The following CHODL variants were observed in gnomAD, a reference collection of about 807,000 sequenced individuals.
The protein encoded by CHODL is chondrolectin.
In CHODL, 29 loss-of-function variants were observed where a neutral mutation model predicts 34.5. The observed-to-expected ratio is 0.84, with a 90% confidence interval of 0.63 to 1.15. CHODL has a LOEUF of 1.15. Ranked by LOEUF, CHODL falls within the 50% of genes most tolerant of loss-of-function variation. The probability of loss-of-function intolerance (pLI) is 0.00; values close to 1 mark genes in which losing one functional copy is unlikely to be tolerated. For synonymous variants in CHODL, 125 were observed against 116.1 expected (o/e 1.08, Z -0.49); for missense variants, 332 against 332.5 (o/e 1.00, Z 0.01).
intron 2 of CHODL, among the ~76,000 whole-genome samples, chr21:18,149,722 A>G (rs1243707307): frequency 6.6e-6 from 1 of 152,268 alleles, no homozygotes; most frequent in African/African-American, 2.4e-5. Context: ...TAAGTGGCCT[A>G]TGTGGCTGTC....
At chr21:17,996,377 C>T (rs955695309) in intron 1 of CHODL, among the ~76,000 whole-genome samples, 3 of 152,206 alleles carry the variant, frequency 2.0e-5, no homozygotes, top group African/African-American at 7.2e-5. Context: ...TGTGAACATG[C>T]TGTATCCTTG....
In CHODL at chr21:18,026,789, T is replaced by C. The variant is rs570007263; in HGVS notation, c.-144-1083T>C. Reference sequence around the variant, plus strand: ...CGTTTCTGGAATGCTATGTGCACTGTAATGTGGAGGGCGCACATTCTTAAC... The same window carrying C: ...CGTTTCTGGAATGCTATGTGCACTGCAATGTGGAGGGCGCACATTCTTAAC... On this transcript the variant is annotated intron_variant, in intron 1 of 6. Coordinates refer to the CHODL transcript ENST00000400127. Among the ~76,000 whole-genome samples the C allele has an allele frequency of 5.9e-5, 9 of 152,328 alleles. No individual in the cohort carries two copies. In the South Asian group the frequency reaches 1.9e-3, roughly 32 times the overall value.
intron 2 of CHODL, among the ~76,000 whole-genome samples, chr21:18,190,369 C>T (rs2073496736): frequency 6.6e-6 from 1 of 152,124 alleles, no homozygotes; most frequent in Non-Finnish European, 1.5e-5. Context: ...AATTCCATTC[C>T]TATTCCATCA....
At chr21:18,194,420 C>T (rs528506184) in intron 2 of CHODL, among the ~76,000 whole-genome samples, 1 of 152,174 alleles carries the variant, frequency 6.6e-6, no homozygotes, top group Non-Finnish European at 1.5e-5. Flanking sequence ...CCAAGCTCAT[C>T]CCCAGCTTTC....
At chr21:17,948,455 TAAATG>T (rs1371797178) in intron 1 of CHODL, among the ~76,000 whole-genome samples, 1 of 151,490 alleles carries the variant, frequency 6.6e-6, no homozygotes, top group Non-Finnish European at 1.5e-5. Context: ...AGAGCAGAAA[TAAATG>T]AAATAGACAC....
chr21:18,092,901 G>A (rs1368324222), intron 2 of CHODL, among the ~76,000 whole-genome samples: 2 of 152,154 alleles, frequency 1.3e-5, no homozygotes, highest in Non-Finnish European at 2.9e-5. Context: ...GGTAAAGAAA[G>A]AGATGGGGTG....
At chr21:18,125,222 A>G (rs2065527472) in intron 2 of CHODL, among the ~76,000 whole-genome samples, 1 of 152,216 alleles carries the variant, frequency 6.6e-6, no homozygotes, top group African/African-American at 2.4e-5. Context: ...AAATAATGTA[A>G]CTTAAAACAC....
intron 2 of CHODL, among the ~76,000 whole-genome samples, chr21:18,190,444 C>G (rs1025771232): frequency 6.6e-6 from 1 of 152,178 alleles, no homozygotes; most frequent in African/African-American, 2.4e-5. Context: ...AAAAAAGACA[C>G]TTCACGGCAA....
intron 2 of CHODL, among the ~76,000 whole-genome samples, chr21:18,151,097 A>AAAAAG (rs2072961556): frequency 6.7e-6 from 1 of 149,842 alleles, no homozygotes; most frequent in African/African-American, 2.5e-5. Flanking sequence ...AAAAAAAAAA[A>AAAAAG]AAAAAAAAGA....
At chr21:17,990,299 A>AC (rs2063786800) in intron 1 of CHODL, among the ~76,000 whole-genome samples, 1 of 152,050 alleles carries the variant, frequency 6.6e-6, no homozygotes, top group African/African-American at 2.4e-5. Context: ...CTGTCTTCAC[A>AC]CTGTACACAC....
chr21:18,159,993 G>A (rs2073077276), intron 2 of CHODL, among the ~76,000 whole-genome samples: 1 of 152,184 alleles, frequency 6.6e-6, no homozygotes, highest in Admixed American at 6.5e-5. Context: ...TCATCAGAAT[G>A]TAGATCTAGA....
chr21:18,105,315 C>G (rs146245699), intron 2 of CHODL, among the ~76,000 whole-genome samples: 1 of 152,182 alleles, frequency 6.6e-6, no homozygotes, highest in South Asian at 2.1e-4. Context: ...GCAGAGCAAG[C>G]TGTGGTATTC....
At chr21:18,045,392 C>T (rs1192707064) in intron 2 of CHODL, among the ~76,000 whole-genome samples, 2 of 151,874 alleles carry the variant, frequency 1.3e-5, no homozygotes, top group African/African-American at 4.8e-5. Flanking sequence ...CCGGTGAAAA[C>T]TGTCTTTACA....
intron 2 of CHODL, among the ~76,000 whole-genome samples, chr21:18,228,202 AT>A (rs1169015041): frequency 1.3e-5 from 2 of 152,246 alleles, no homozygotes; most frequent in East Asian, 3.9e-4. Context: ...CAATGGTTTA[AT>A]TTTTTAAGCT....
At chr21:18,183,551 T>TC (rs1193819397) in intron 2 of CHODL, among the ~76,000 whole-genome samples, 3 of 152,198 alleles carry the variant, frequency 2.0e-5, no homozygotes, top group African/African-American at 7.2e-5. Context: ...TCTCTTTTTT[T>TC]CCCTGGGATA....
At chr21:18,036,886 G>A (rs1600923010) in intron 2 of CHODL, among the ~76,000 whole-genome samples, 1 of 151,858 alleles carries the variant, frequency 6.6e-6, no homozygotes. Flanking sequence ...ATGGCAGCTT[G>A]AATAGCATTG....
intron 2 of CHODL, among the ~76,000 whole-genome samples, chr21:18,119,005 T>C (rs1341809366): frequency 6.6e-6 from 1 of 152,136 alleles, no homozygotes; most frequent in Non-Finnish European, 1.5e-5. Flanking sequence ...TAAATCTCTT[T>C]CCCCTCTTTC....
At chr21:18,094,143 T>C (rs1175934362) in intron 2 of CHODL, among the ~76,000 whole-genome samples, 1 of 152,128 alleles carries the variant, frequency 6.6e-6, no homozygotes, top group African/African-American at 2.4e-5. Context: ...TATATAATGA[T>C]AAAAGGATCA....
intron 2 of CHODL, among the ~76,000 whole-genome samples, chr21:18,069,990 TTC>T: frequency 1.8e-5 from 1 of 54,304 alleles, no homozygotes; most frequent in South Asian, 6.2e-4. Context: ...TTTCTTTCCC[TTC>T]CCTTCCCTTC....
Sources: gnomAD v4.1 joint callset for allele counts (sites outside exome capture counted in the v4.1 genomes callset) on GRCh38, gnomAD v4.1.1 for gene constraint, MANE v1.5 for transcripts, NCBI Gene and HGNC (gene_info 2026-07-23, HGNC 2026-07-21) for gene names.